Variants in SEMA5A observed in about 807,000 individuals in gnomAD.
The protein encoded by SEMA5A is semaphorin-5A.
Under a neutral mutation model 135.5 loss-of-function variants are expected in SEMA5A, and 55 were observed. The ratio of observed to expected loss-of-function variants is 0.41; its 90% CI spans 0.33 to 0.51. The LOEUF (loss-of-function observed/expected upper bound fraction) is 0.51, where lower values mean the gene tolerates loss of function less well. Ranked by LOEUF, SEMA5A falls within the 20% of genes least tolerant of loss-of-function variation. The pLI, the probability that SEMA5A is intolerant of heterozygous loss-of-function variation, is 0.37. For synonymous variants in SEMA5A, 580 were observed against 546.5 expected (o/e 1.06, Z -0.85); for missense variants, 1,290 against 1,419.9 (o/e 0.91, Z 1.47).
chr5:9,153,242 G>A (rs1279493891), intron 12 of SEMA5A, among the ~76,000 whole-genome samples: 3 of 152,156 alleles, frequency 2.0e-5, no homozygotes, highest in African/African-American at 7.2e-5. Context: ...ATTACACCCT[G>A]CTTTAGGAGT....
intron 2 of SEMA5A, among the ~76,000 whole-genome samples, chr5:9,435,981 G>A (rs973546765): frequency 2.0e-5 from 3 of 152,170 alleles, no homozygotes; most frequent in Non-Finnish European, 2.9e-5. Flanking sequence ...TTATTCTAGG[G>A]AGGCATGGTT....
intron 11 of SEMA5A, among the ~76,000 whole-genome samples, chr5:9,167,543 A>G (rs1376755233): frequency 1.3e-5 from 2 of 151,632 alleles, no homozygotes; most frequent in Non-Finnish European, 2.9e-5. Flanking sequence ...TTTCCAGAAC[A>G]CCCCAGGACT....
chr5:9,409,837 G>A (rs1171279541), intron 2 of SEMA5A, among the ~76,000 whole-genome samples: 1 of 148,516 alleles, frequency 6.7e-6, no homozygotes, highest in Non-Finnish European at 1.5e-5. Flanking sequence ...AAAGTCTCCA[G>A]GTAAAGAAAA....
chr5:9,309,151 C>T (rs1412945296), intron 5 of SEMA5A, among the ~76,000 whole-genome samples: 2 of 152,098 alleles, frequency 1.3e-5, no homozygotes, highest in African/African-American at 2.4e-5. Flanking sequence ...TGGCTGTCCT[C>T]TCCAAAATGT....
intron 18 of SEMA5A, among the ~76,000 whole-genome samples, chr5:9,058,011 C>T (rs1331704996): frequency 6.6e-6 from 1 of 152,042 alleles, no homozygotes; most frequent in African/African-American, 2.4e-5. Flanking sequence ...CCTGTACAAC[C>T]TGGTGGGGAA....
At chr5:9,265,486 C>A in intron 5 of SEMA5A, 1 of 456,408 alleles carries the variant, frequency 2.2e-6, no homozygotes, top group Non-Finnish European at 4.4e-6. Flanking sequence ...TTCAACTCTT[C>A]TGCCGCGGGA....
chr5:9,316,684 A>G (rs1752405740), intron 5 of SEMA5A, among the ~76,000 whole-genome samples: 1 of 152,188 alleles, frequency 6.6e-6, no homozygotes, highest in South Asian at 2.1e-4. Flanking sequence ...AAAATTATAT[A>G]TATTGATAGT....
intron 3 of SEMA5A, among the ~76,000 whole-genome samples, chr5:9,353,617 A>G (rs1446037710): frequency 6.6e-6 from 1 of 152,156 alleles, no homozygotes; most frequent in Admixed American, 6.5e-5. Context: ...CATGGCATCA[A>G]TAAGGAGGAG....
intron 12 of SEMA5A, among the ~76,000 whole-genome samples, chr5:9,154,063 ATATAT>A (rs530076308): frequency 0.32 from 23,782 of 75,252 alleles, 4,539 homozygotes; most frequent in Non-Finnish European, 0.43. Context: ...AAAAAAAAAA[ATATAT>A]ATATATATAT....
chr5:9,202,376 C>CTACCA, intron 8 of SEMA5A, 136 bp from the exon 9 acceptor site: 1 of 657,330 alleles, frequency 1.5e-6, no homozygotes, highest in Non-Finnish European at 2.3e-6. Flanking sequence ...TATTGGGAGG[C>CTACCA]CCCGTGAGCA....
chr5:9,465,766 T>C (rs1759234039), intron 1 of SEMA5A, among the ~76,000 whole-genome samples: 1 of 152,232 alleles, frequency 6.6e-6, no homozygotes, highest in South Asian at 2.1e-4. Context: ...GATGACTTTA[T>C]TCTCCATCTA....
In SEMA5A at chr5:9,331,337, G is replaced by A. The variant is rs1296654258; in HGVS notation, c.224+6376C>T. Among the ~76,000 whole-genome samples, 4 of 152,130 alleles carry A rather than the reference G, an allele frequency of 2.6e-5. No homozygotes were observed. In the East Asian group the frequency reaches 7.7e-4, roughly 29 times the overall value. On this transcript the variant is annotated intron_variant, in intron 4 of 22. Coordinates refer to ENST00000382496, the MANE Select transcript of SEMA5A (RefSeq NM_003966.3). The stretch of plus-strand genomic sequence containing the variant: ...CAGTGTGATAAAGTCATTTTGTAAA[G>A]AAGAAACTCATTAAATAGAAGCCTA...
intron 5 of SEMA5A, among the ~76,000 whole-genome samples, chr5:9,244,860 C>T (rs1264806870): frequency 6.6e-6 from 1 of 152,192 alleles, no homozygotes; most frequent in African/African-American, 2.4e-5. Flanking sequence ...ACAAGAATTT[C>T]TCTTCCACAC....
In SEMA5A at chr5:9,039,010, T is replaced by C. The variant is rs1321960267; in HGVS notation, c.*3887A>G. On this transcript the variant is annotated 3_prime_UTR_variant, in exon 23 of 23. Coordinates refer to ENST00000382496, the MANE Select transcript of SEMA5A (RefSeq NM_003966.3). The stretch of plus-strand genomic sequence containing the variant: ...TCCCAAAGTGCTGGGATTATAGGCA[T>C]GAGCCACTGCACCCAGCCTTTGTCC... 6.6e-6 allele frequency: 1 copy of C among 152,400 alleles called. No individual in the cohort carries two copies. Among genetic ancestry groups the C allele is most frequent in the Non-Finnish European group, 1.5e-5 (1 of 68,194 alleles). 9.4% of individuals were successfully genotyped at this position (152,400 alleles called of 1,614,324 possible). A position where few individuals can be genotyped will look rare whatever the true frequency, so the allele number is the denominator to read the frequency against.
At chr5:9,058,941 G>C (rs563942866) in intron 18 of SEMA5A, among the ~76,000 whole-genome samples, 2 of 152,288 alleles carry the variant, frequency 1.3e-5, no homozygotes, top group East Asian at 3.9e-4. Context: ...CTCCAAGAAT[G>C]CAAAGGAAGA....
chr5:9,487,900 T>C (rs1189469088), intron 1 of SEMA5A, among the ~76,000 whole-genome samples: 1 of 152,316 alleles, frequency 6.6e-6, no homozygotes. Flanking sequence ...ATACCCCTAC[T>C]GAACTCTTAT....
In SEMA5A at chr5:9,523,763, G is replaced by GGA. The variant is rs199867632; in HGVS notation, c.-175+21819_-175+21820dup. ...TGCAAATAAGTTGGGATGATCCTCA[G>GGA]GAGCAGAAAACAACTCTGTCAACAA... On this transcript the variant is annotated intron_variant, in intron 1 of 22. Coordinates refer to ENST00000382496, the MANE Select transcript of SEMA5A (RefSeq NM_003966.3). Among the ~76,000 whole-genome samples the GGA allele has an allele frequency of 8.2e-3, 1,255 of 152,284 alleles. 13 individuals are homozygous for GGA. Among genetic ancestry groups the GGA allele is most frequent in the Non-Finnish European group, 0.014 (980 of 68,018 alleles).
Position 9,411,084 on chromosome 5 carries a change from C to T in SEMA5A, c.-78+26672G>A, listed in dbSNP as rs375352885. Among the ~76,000 whole-genome samples the T allele has an allele frequency of 3.3e-5, 5 of 152,002 alleles. No homozygotes were observed. The East Asian group carries it at 7.7e-4, about 23-fold the overall frequency. ...AAATAAAATAGATTATAGCACCACT[C>T]CAAAAATTGCTGTCAACTTCCACAC... On this transcript the variant is annotated intron_variant, in intron 2 of 22. Coordinates refer to ENST00000382496, the MANE Select transcript of SEMA5A (RefSeq NM_003966.3).
rs753352326 is a variant in SEMA5A, at chr5:9,042,847, C to T, written c.*50G>A. ...CAGAAACATGGGCAGTCATGGGGCA[C>T]AGGCCTTGAGGAACTGGGGATTTAC... On this transcript the variant is annotated 3_prime_UTR_variant, in exon 23 of 23. Transcript: ENST00000382496. The T allele has an allele frequency of 1.2e-5, 19 of 1,608,800 alleles. No homozygotes were observed. Among genetic ancestry groups the T allele is most frequent in the Non-Finnish European group, 8.5e-7 (1 of 1,176,166 alleles).
Sources: gnomAD v4.1 joint callset for allele counts (sites outside exome capture counted in the v4.1 genomes callset) on GRCh38, gnomAD v4.1.1 for gene constraint, MANE v1.5 for transcripts, NCBI Gene and HGNC (gene_info 2026-07-23, HGNC 2026-07-21) for gene names.